Variants in MMP16 observed in about 807,000 individuals in gnomAD.
MMP16 encodes the protein matrix metalloproteinase-16.
A neutral mutation model predicts 67.8 loss-of-function variants in MMP16; 12 were observed. The observed-to-expected ratio is 0.18, with a 90% confidence interval of 0.11 to 0.29. The LOEUF (loss-of-function observed/expected upper bound fraction) is 0.29, where lower values mean the gene tolerates loss of function less well. MMP16 is among the 10% of genes least tolerant of loss of function. MMP16 has a pLI of 1.00. For missense variants in MMP16, 475 were observed against 765.7 expected, an observed-to-expected ratio of 0.62 and a Z score of 4.48; for synonymous variants, 249 against 255.9, an observed-to-expected ratio of 0.97 and a Z score of 0.26.
chr8:88,081,027 C>T (rs1462542896), intron 6 of MMP16, among the ~76,000 whole-genome samples: 1 of 152,082 alleles, frequency 6.6e-6, no homozygotes, highest in Non-Finnish European at 1.5e-5. Flanking sequence ...ATGCTCTCCA[C>T]TGTGGGGTAA....
intron 1 of MMP16, among the ~76,000 whole-genome samples, chr8:88,288,051 C>T (rs1446059727): frequency 1.3e-5 from 2 of 152,190 alleles, no homozygotes; most frequent in African/African-American, 4.8e-5. Flanking sequence ...ATGAACATAT[C>T]ATAGCCCTAA....
At chr8:88,273,596 T>C (rs1810600338) in intron 1 of MMP16, among the ~76,000 whole-genome samples, 1 of 152,170 alleles carries the variant, frequency 6.6e-6, no homozygotes. Context: ...ATTTCCTAAT[T>C]AGAATGTTTG....
chr8:88,321,201 C>T (rs1241436309), intron 1 of MMP16, among the ~76,000 whole-genome samples: 1 of 152,126 alleles, frequency 6.6e-6, no homozygotes, highest in African/African-American at 2.4e-5. Context: ...TCAAAGAACA[C>T]ATGCCCAAAT....
intron 1 of MMP16, among the ~76,000 whole-genome samples, chr8:88,260,464 A>T (rs983447999): frequency 1.3e-5 from 2 of 152,116 alleles, no homozygotes; most frequent in African/African-American, 4.8e-5. Context: ...AAACTCTCTG[A>T]ATAGGCTGCC....
At chr8:88,322,752 G>A (rs949656000) in intron 1 of MMP16, among the ~76,000 whole-genome samples, 2 of 152,066 alleles carry the variant, frequency 1.3e-5, no homozygotes, top group African/African-American at 4.8e-5. Context: ...GGCTAAGGTG[G>A]GAGGATTGCT....
In MMP16 at chr8:88,199,574, C is replaced by T. The variant is rs552019010; in HGVS notation, c.133-2268G>A. On this transcript the variant is annotated intron_variant, in intron 1 of 9. Transcript: ENST00000286614. ...TAATATCTTTTTTGATAAAAAATTA[C>T]ATCTATTAAGTAATATTTGGAAATG... 3.3e-5 allele frequency among the ~76,000 whole-genome samples: 5 copies of T among 152,058 alleles called. No individual in the cohort carries two copies. In the South Asian group the frequency reaches 1.0e-3, roughly 31 times the overall value.
Position 88,269,968 on chromosome 8 carries a change from T to A in MMP16, c.132+57107A>T, listed in dbSNP as rs1048859479. ...TCAGGCATAAAAAGTATTTACCTTT[T>A]GTTTCTTTTATTTAGTTAGAATCAA... On this transcript the variant is annotated intron_variant, in intron 1 of 9. Coordinates refer to ENST00000286614, the MANE Select transcript of MMP16 (RefSeq NM_005941.5). Among the ~76,000 whole-genome samples, 5 of 152,314 alleles carry A rather than the reference T, an allele frequency of 3.3e-5. No homozygotes were observed. The East Asian group carries it at 9.6e-4, about 29-fold the overall frequency.
chr8:88,306,080 C>T (rs927464803), intron 1 of MMP16, among the ~76,000 whole-genome samples: 5 of 150,636 alleles, frequency 3.3e-5, no homozygotes, highest in African/African-American at 1.2e-4. Flanking sequence ...ATCAAATAAA[C>T]AGAATTAGAA....
At chr8:88,122,980 G>A (rs1381006511) in intron 4 of MMP16, among the ~76,000 whole-genome samples, 4 of 150,844 alleles carry the variant, frequency 2.7e-5, no homozygotes, top group East Asian at 2.0e-4. Context: ...CTTCATATGA[G>A]TGCAGCCCCG....
chr8:88,303,056 C>A (rs1377230087), intron 1 of MMP16, among the ~76,000 whole-genome samples: 3 of 152,208 alleles, frequency 2.0e-5, no homozygotes, highest in Non-Finnish European at 2.9e-5. Flanking sequence ...GGCCTTGGGT[C>A]TGATACACAG....
intron 7 of MMP16, among the ~76,000 whole-genome samples, chr8:88,070,423 G>T (rs1333599548): frequency 6.6e-6 from 1 of 152,204 alleles, no homozygotes; most frequent in East Asian, 1.9e-4. Flanking sequence ...GGGGGCAGCC[G>T]GTACTATGGC....
intron 4 of MMP16, among the ~76,000 whole-genome samples, chr8:88,140,361 T>G (rs1345932346): frequency 6.6e-6 from 1 of 152,150 alleles, no homozygotes; most frequent in Non-Finnish European, 1.5e-5. Context: ...TATATCCTTT[T>G]TATGACCTAG....
intron 6 of MMP16, among the ~76,000 whole-genome samples, chr8:88,096,161 C>T (rs546971838): frequency 4.0e-5 from 6 of 151,852 alleles, no homozygotes; most frequent in African/African-American, 1.2e-4. Flanking sequence ...ATGATATCAA[C>T]GATGTGAGAA....
rs1468010039 is a variant in MMP16, at chr8:88,056,233, T to C, written c.1268A>G (p.Tyr423Cys). 2 of 1,598,830 alleles carry C rather than the reference T, an allele frequency of 1.3e-6. No homozygotes were observed. Among genetic ancestry groups the C allele is most frequent in the Non-Finnish European group, 1.7e-6 (2 of 1,170,902 alleles). ...VFKDTTLQPGYPHDLITLGSG... is the reference protein window; with the variant it reads ...VFKDTTLQPGCPHDLITLGSG... ...TCCAAGGGTTATCAAGTCATGAGGG[T>C]AACCAGGTTGAAGAGTTGTATCCTT... The change falls in exon 8 of 10, where the codon TAC (tyrosine) becomes TGC (cysteine). Residue 423 changes from tyrosine to cysteine, a missense_variant. Tyr to Cys is a radical substitution (Grantham distance 194, BLOSUM62 -2). Around this residue, in one of 5 missense-constraint regions of MMP16, gnomAD observed 195 missense variants for 300.9 expected, o/e 0.65. Transcript: ENST00000286614.
At chr8:88,215,340 A>G (rs1809574464) in intron 1 of MMP16, among the ~76,000 whole-genome samples, 1 of 151,886 alleles carries the variant, frequency 6.6e-6, no homozygotes. Flanking sequence ...AAAAGTAGCA[A>G]CTGAATCTAA....
At chr8:88,140,435 T>C (rs1047984642) in intron 4 of MMP16, among the ~76,000 whole-genome samples, 1 of 152,196 alleles carries the variant, frequency 6.6e-6, no homozygotes, top group Non-Finnish European at 1.5e-5. Context: ...TCACTAAGTA[T>C]GACTCATATT....
chr8:88,058,465 A>G lies in MMP16; in HGVS notation c.1223-2187T>C, dbSNP rs749749055. Among the ~76,000 whole-genome samples the G allele has an allele frequency of 6.6e-6, 1 of 152,124 alleles. No homozygotes were observed. Among genetic ancestry groups the G allele is most frequent in the Non-Finnish European group, 1.5e-5 (1 of 68,010 alleles). Reference sequence around the variant, plus strand: ...GAAGGTCAACATCTCTATCTCATGAAGCTTAGATATCAGTGAGTGAGTATG... The same window carrying G: ...GAAGGTCAACATCTCTATCTCATGAGGCTTAGATATCAGTGAGTGAGTATG... On this transcript the variant is annotated intron_variant, in intron 7 of 9. Transcript: ENST00000286614. This position sits in a 1 kb window ranked among gnomAD's most constrained non-coding sequence, Gnocchi z 4.2.
intron 3 of MMP16, 80 bp downstream of exon 3, chr8:88,186,396 C>A: frequency 6.5e-7 from 1 of 1,549,594 alleles, no homozygotes; most frequent in South Asian, 1.1e-5. Flanking sequence ...AGTCAACGTG[C>A]AGAAGATACT....
intron 1 of MMP16, among the ~76,000 whole-genome samples, chr8:88,304,023 C>A (rs1373818661): frequency 4.0e-5 from 6 of 149,688 alleles, no homozygotes; most frequent in Admixed American, 3.3e-4. Context: ...AAGTTGTAAC[C>A]CAATGAAAAG....
Sources: allele counts gnomAD v4.1 joint callset (sites outside exome capture counted in the v4.1 genomes callset), GRCh38; gene constraint gnomAD v4.1.1; regional missense constraint gnomAD v4.1.1; non-coding constraint Gnocchi (gnomAD v3.1); transcripts MANE v1.5; gene names NCBI Gene and HGNC (gene_info 2026-07-23, HGNC 2026-07-21).